The following NELL1 variants were observed in gnomAD, a reference collection of about 807,000 sequenced individuals.
NELL1 encodes neural EGFL like 1, also known as protein kinase C-binding protein NELL1.
NELL1 carries 76 observed loss-of-function variants against 107.4 expected under a neutral mutation model. That is an observed-to-expected ratio of 0.71 (90% CI 0.59 to 0.86). The LOEUF (loss-of-function observed/expected upper bound fraction) is 0.86. NELL1 is among the 40% of genes least tolerant of loss of function. The pLI is 0.00. For missense variants in NELL1, 1,024 were observed against 1,005.5 expected, an observed-to-expected ratio of 1.02 and a Z score of -0.25; for synonymous variants, 353 against 341.2, an observed-to-expected ratio of 1.03 and a Z score of -0.38.
chr11:20,786,805 G>T (rs541334232), intron 3 of NELL1, among the ~76,000 whole-genome samples: 1 of 151,730 alleles, frequency 6.6e-6, no homozygotes, highest in East Asian at 1.9e-4. Flanking sequence ...TCAGGAGATC[G>T]AGACCATCCT....
chr11:21,262,199 T>C (rs528406078), intron 14 of NELL1, among the ~76,000 whole-genome samples: 1 of 152,000 alleles, frequency 6.6e-6, no homozygotes, highest in South Asian at 2.1e-4. Flanking sequence ...ACATTAACTC[T>C]TTTATGTTCT....
intron 2 of NELL1, among the ~76,000 whole-genome samples, chr11:20,706,832 T>G (rs1854974208): frequency 6.6e-6 from 1 of 152,204 alleles, no homozygotes; most frequent in Non-Finnish European, 1.5e-5. Flanking sequence ...ATTTCACCTT[T>G]GGTGAATCTG....
intron 2 of NELL1, among the ~76,000 whole-genome samples, chr11:20,739,760 G>A (rs1332981055): frequency 6.6e-6 from 1 of 152,150 alleles, no homozygotes; most frequent in Non-Finnish European, 1.5e-5. Flanking sequence ...CTTTCTGCAG[G>A]GTTCACAAGA....
At chr11:21,347,887 A>G (rs954103561) in intron 14 of NELL1, among the ~76,000 whole-genome samples, 1 of 152,122 alleles carries the variant, frequency 6.6e-6, no homozygotes, top group Non-Finnish European at 1.5e-5. Flanking sequence ...CAAGGGACCA[A>G]ATTGTGTCCA....
At chr11:20,704,736 A>G (rs895538070) in intron 2 of NELL1, among the ~76,000 whole-genome samples, 1 of 152,094 alleles carries the variant, frequency 6.6e-6, no homozygotes, top group East Asian at 1.9e-4. Flanking sequence ...CTTGTCTGTA[A>G]AGGATTTTAT....
intron 13 of NELL1, among the ~76,000 whole-genome samples, chr11:21,185,517 A>G (rs1289418238): frequency 6.6e-6 from 1 of 151,594 alleles, no homozygotes; most frequent in Non-Finnish European, 1.5e-5. Flanking sequence ...CTGGTCTTAC[A>G]CTTCTGACCT....
chr11:21,465,639 C>A (rs1409308266), intron 15 of NELL1, among the ~76,000 whole-genome samples: 1 of 151,916 alleles, frequency 6.6e-6, no homozygotes, highest in Non-Finnish European at 1.5e-5. Context: ...ATTATTATTC[C>A]TTGGGCAACC....
intron 14 of NELL1, among the ~76,000 whole-genome samples, chr11:21,233,001 A>G (rs1323851848): frequency 6.6e-6 from 1 of 152,230 alleles, no homozygotes; most frequent in Non-Finnish European, 1.5e-5. Context: ...TTCTAGGCAG[A>G]CATGGTATTG....
intron 3 of NELL1, among the ~76,000 whole-genome samples, chr11:20,833,056 G>A (rs959395088): frequency 6.6e-6 from 1 of 152,092 alleles, no homozygotes; most frequent in Non-Finnish European, 1.5e-5. Context: ...GGGACAGAGT[G>A]GTCTGTGTTG....
chr11:20,874,735 T>C (rs559510340), intron 4 of NELL1, among the ~76,000 whole-genome samples: 2 of 152,276 alleles, frequency 1.3e-5, no homozygotes, highest in South Asian at 4.1e-4. Context: ...CTCTGTATAC[T>C]ATAGTTCTGA....
At chr11:21,546,276 A>T (rs1218809516) in intron 16 of NELL1, among the ~76,000 whole-genome samples, 2 of 151,940 alleles carry the variant, frequency 1.3e-5, no homozygotes, top group Non-Finnish European at 2.9e-5. Context: ...GCACTCCTTG[A>T]TATTGAATTC....
Position 21,416,001 on chromosome 11 carries a change from G to T in NELL1, c.1645+45053G>T, listed in dbSNP as rs142713829. The stretch of plus-strand genomic sequence containing the variant: ...ACTTTTAATGCTGTGTGCCTGCAAA[G>T]AAATGATGTCTCTTGCGACAATTGA... On this transcript the variant is annotated intron_variant, in intron 15 of 19. Transcript: ENST00000357134. 5.8e-4 allele frequency among the ~76,000 whole-genome samples: 88 copies of T among 152,190 alleles called. No individual in the cohort carries two copies. In the East Asian group the frequency reaches 0.015, roughly 25 times the overall value.
chr11:21,357,945 A>G (rs1221674490), intron 14 of NELL1, among the ~76,000 whole-genome samples: 1 of 152,184 alleles, frequency 6.6e-6, no homozygotes, highest in African/African-American at 2.4e-5. Context: ...GTAGAAGATC[A>G]CTTGACTATA....
intron 15 of NELL1, among the ~76,000 whole-genome samples, chr11:21,458,069 G>C (rs1310944264): frequency 6.6e-6 from 1 of 152,160 alleles, no homozygotes; most frequent in Non-Finnish European, 1.5e-5. Context: ...AAATCTGGCT[G>C]TGAAGAGAAG....
intron 3 of NELL1, among the ~76,000 whole-genome samples, chr11:20,786,856 A>G (rs901510744): frequency 6.6e-6 from 1 of 151,620 alleles, no homozygotes; most frequent in Non-Finnish European, 1.5e-5. Context: ...AAAATACAAA[A>G]AATTAGCCGG....
At chr11:21,563,621 A>G (rs1281248314) in intron 17 of NELL1, among the ~76,000 whole-genome samples, 1 of 152,038 alleles carries the variant, frequency 6.6e-6, no homozygotes, top group Non-Finnish European at 1.5e-5. Context: ...TTTAAAGTAT[A>G]TGGGAGGATA....
At chr11:20,736,481 T>A (rs1450456425) in intron 2 of NELL1, among the ~76,000 whole-genome samples, 16 of 152,154 alleles carry the variant, frequency 1.1e-4, no homozygotes, top group African/African-American at 4.8e-5. Flanking sequence ...CATCATGGTT[T>A]AGGATAATCT....
At chr11:20,766,566 G>A (rs535109491) in intron 2 of NELL1, among the ~76,000 whole-genome samples, 1 of 152,274 alleles carries the variant, frequency 6.6e-6, no homozygotes, top group East Asian at 1.9e-4. Flanking sequence ...GTGTAATGGG[G>A]ACAGGGCAAG....
chr11:21,221,289 T>G (rs1224917342), intron 13 of NELL1, among the ~76,000 whole-genome samples: 1 of 152,188 alleles, frequency 6.6e-6, no homozygotes, highest in East Asian at 1.9e-4. Flanking sequence ...TTGCTAGTAT[T>G]TGGTCGAGGA....
Sources: gnomAD v4.1 joint callset for allele counts (sites outside exome capture counted in the v4.1 genomes callset) on GRCh38, gnomAD v4.1.1 for gene constraint, MANE v1.5 for transcripts, NCBI Gene and HGNC (gene_info 2026-07-23, HGNC 2026-07-21) for gene names.